The following DCP2 variants were observed in gnomAD, a reference collection of about 807,000 sequenced individuals.
DCP2 encodes the protein m7GpppN-mRNA hydrolase.
DCP2 carries 30 observed loss-of-function variants against 56.1 expected under a neutral mutation model. The observed-to-expected ratio is 0.53, with a 90% confidence interval of 0.40 to 0.73. The LOEUF (loss-of-function observed/expected upper bound fraction) is 0.73. Among genes scored for constraint, DCP2 ranks in the 30% least tolerant of loss-of-function variants. The pLI is 0.00. For synonymous variants in DCP2, 197 were observed against 163.3 expected, an observed-to-expected ratio of 1.21 and a Z score of -1.57; for missense variants, 533 against 502.7, an observed-to-expected ratio of 1.06 and a Z score of -0.58.
chr5:113,006,830 A>C (rs1012351563), intron 8 of DCP2, among the ~76,000 whole-genome samples: 3 of 152,210 alleles, frequency 2.0e-5, no homozygotes, highest in African/African-American at 4.8e-5. Context: ...ATAATGGCCC[A>C]CATTTTAAAA....
intron 2 of DCP2, 44 bp from the exon 3 acceptor site, chr5:112,992,077 A>C (rs1421562699): frequency 1.2e-6 from 2 of 1,603,390 alleles, no homozygotes; most frequent in African/African-American, 1.3e-5. Context: ...TAATTTCTCA[A>C]GCCATATTAA....
chr5:112,992,319 T>TGTA, intron 3 of DCP2, 71 bp downstream of exon 3: 2 of 1,539,044 alleles, frequency 1.3e-6, no homozygotes, highest in Non-Finnish European at 1.7e-6. Context: ...TTGTTATTGA[T>TGTA]GTAGTGTTTC....
intron 1 of DCP2, among the ~76,000 whole-genome samples, chr5:112,978,603 G>T (rs1747841303): frequency 6.6e-6 from 1 of 151,780 alleles, no homozygotes; most frequent in Non-Finnish European, 1.5e-5. Flanking sequence ...GTACTTCTTT[G>T]GTGATGGTAG....
Position 113,017,950 on chromosome 5 carries a change from C to G in DCP2, c.*4466C>G, listed in dbSNP as rs1749959436. 6.6e-6 allele frequency: 1 copy of G among 152,260 alleles called. No individual in the cohort carries two copies. The highest frequency in any genetic ancestry group is 2.4e-5 in the African/African-American group (1 of 41,556). The allele number at this position is 152,260 out of a possible 1,614,324, so 9.4% of individuals were successfully genotyped here. On this transcript the variant is annotated 3_prime_UTR_variant, in exon 11 of 11. Coordinates refer to ENST00000389063, the MANE Select transcript of DCP2 (RefSeq NM_152624.6). Reference sequence around the variant, plus strand: ...CCAGTGAATCTAAAGTAATTTTTCTCACTTTAAAGACCAGTGATGAGGAGT... The same window carrying G: ...CCAGTGAATCTAAAGTAATTTTTCTGACTTTAAAGACCAGTGATGAGGAGT...
chr5:112,980,984 A>C (rs1047890141), intron 1 of DCP2, among the ~76,000 whole-genome samples: 5 of 151,256 alleles, frequency 3.3e-5, no homozygotes, highest in African/African-American at 1.2e-4. Flanking sequence ...GTATGTCTCT[A>C]TCAGTATTTT....
intron 2 of DCP2, among the ~76,000 whole-genome samples, chr5:112,987,389 T>C (rs996868035): frequency 1.3e-5 from 2 of 152,130 alleles, no homozygotes; most frequent in African/African-American, 4.8e-5. Context: ...GAAAGTCATA[T>C]GAGGTGATGA....
intron 10 of DCP2, among the ~76,000 whole-genome samples, chr5:113,011,686 G>A (rs1357912756): frequency 6.6e-6 from 1 of 152,154 alleles, no homozygotes; most frequent in Non-Finnish European, 1.5e-5. Context: ...TGTGAAGAAA[G>A]GAACTATCAT....
rs1393323705 is a variant in DCP2 at position 113,021,562 on chromosome 5, GT to G, written c.*8082del. 6.6e-6 allele frequency among the ~76,000 whole-genome samples: 1 copy of G among 152,112 alleles called. No homozygotes were observed. The highest frequency in any genetic ancestry group is 1.5e-5 in the Non-Finnish European group (1 of 68,020). On this transcript the variant is annotated 3_prime_UTR_variant, in exon 11 of 11. Transcript: ENST00000389063. Reference sequence around the variant, plus strand: ...ATTCTTAAGTTTGTGCTAGAATCAGGTTTTGCAATAGGAATACTTAACTTTG... The same window carrying G: ...ATTCTTAAGTTTGTGCTAGAATCAGGTTTGCAATAGGAATACTTAACTTTG...
intron 1 of DCP2, among the ~76,000 whole-genome samples, chr5:112,985,161 A>G (rs1213396559): frequency 6.6e-6 from 1 of 152,178 alleles, no homozygotes; most frequent in East Asian, 1.9e-4. Flanking sequence ...ACTTAGATTG[A>G]TGAATTTTAA....
At position 113,015,385 on chromosome 5, in the gene DCP2, A is replaced by G. The variant is rs1237391054; in HGVS notation, c.*1901A>G. 2.0e-5 allele frequency: 3 copies of G among 150,402 alleles called. No individual in the cohort carries two copies. Among genetic ancestry groups the G allele is most frequent in the African/African-American group, 4.9e-5 (2 of 40,756 alleles). 9.3% of individuals were successfully genotyped at this position (150,402 alleles called of 1,614,324 possible). ...TGTTTTTTTTTTTCTTTTTAAGTGCATACTTTGGCCAGTCTTCCTGGTGCC... is the reference window on the plus strand; with the variant it reads ...TGTTTTTTTTTTTCTTTTTAAGTGCGTACTTTGGCCAGTCTTCCTGGTGCC... On this transcript the variant is annotated 3_prime_UTR_variant, in exon 11 of 11. Coordinates refer to ENST00000389063, the MANE Select transcript of DCP2 (RefSeq NM_152624.6).
chr5:112,982,315 C>T lies in DCP2; in HGVS notation c.54-3520C>T, dbSNP rs185519209. 4.9e-3 allele frequency among the ~76,000 whole-genome samples: 742 copies of T among 152,278 alleles called. 4 individuals carry two copies. Among genetic ancestry groups the T allele is most frequent in the South Asian group, 0.01 (50 of 4,828 alleles). ...CTGCACTCTTGGGGACCTCCATCCT[C>T]CTAATCCAGTCTGGACTCGTTGCTC... On this transcript the variant is annotated intron_variant, in intron 1 of 10. Coordinates refer to ENST00000389063, the MANE Select transcript of DCP2 (RefSeq NM_152624.6).
chr5:113,009,823 G>GA (rs1419150336), intron 9 of DCP2, among the ~76,000 whole-genome samples: 1 of 151,882 alleles, frequency 6.6e-6, no homozygotes, highest in African/African-American at 2.4e-5. Flanking sequence ...GCAATTTTAT[G>GA]AAAAGATGTT....
rs200824296 is a variant in DCP2 at position 113,010,737 on chromosome 5, T to G, written c.1048-19T>G. On this transcript the variant is annotated intron_variant, in intron 9 of 10. Coordinates refer to ENST00000389063, the MANE Select transcript of DCP2 (RefSeq NM_152624.6). ...GTGTTGTATGTGTGTGTGTGTGTGT[T>G]TTTTTTTTTTTTAAATAGAAGTGTG... The G allele has an allele frequency of 2.7e-3, 2,800 of 1,026,150 alleles. No individual in the cohort carries two copies. The highest frequency in any genetic ancestry group is 2.7e-3 in the Non-Finnish European group (2,051 of 746,404). The allele number at this position is 1,026,150 out of a possible 1,614,324, so 63.6% of individuals were successfully genotyped here.
rs1405176904 is a variant in DCP2, at chr5:113,014,184, G to A, written c.*700G>A. ...TTACATGCAGTCAGTAAACCTGTGA[G>A]ACTGCTGGAGGAAATGTAGCAGACA... On this transcript the variant is annotated 3_prime_UTR_variant, in exon 11 of 11. Coordinates refer to ENST00000389063, the MANE Select transcript of DCP2 (RefSeq NM_152624.6). 1 of 152,286 alleles carries A rather than the reference G, an allele frequency of 6.6e-6. No homozygotes were observed. Among genetic ancestry groups the A allele is most frequent in the Non-Finnish European group, 1.5e-5 (1 of 68,088 alleles). 9.4% of individuals were successfully genotyped at this position (152,286 alleles called of 1,614,324 possible). A position where few individuals can be genotyped will look rare whatever the true frequency, so the allele number is the denominator to read the frequency against.
chr5:113,005,702 C>G (rs565420363), intron 8 of DCP2, among the ~76,000 whole-genome samples: 2 of 152,252 alleles, frequency 1.3e-5, no homozygotes, highest in South Asian at 4.1e-4. Flanking sequence ...AACTTGTGTA[C>G]CAATGTTCAT....
In DCP2 at chr5:113,020,404, GGTGGTATACAGTTCTT is replaced by G. The variant is rs1750061526; in HGVS notation, c.*6922_*6937del. ...ATCTACTTCAAGGGATTCTGTTCAT[GGTGGTATACAGTTCTT>G]GGTGCTCTTTTGGAAATTGTCAAAC... On this transcript the variant is annotated 3_prime_UTR_variant, in exon 11 of 11. Coordinates refer to ENST00000389063, the MANE Select transcript of DCP2 (RefSeq NM_152624.6). 6.6e-6 allele frequency: 1 copy of G among 152,132 alleles called. No homozygotes were observed. The highest frequency in any genetic ancestry group is 1.5e-5 in the Non-Finnish European group (1 of 68,024). 9.4% of individuals were successfully genotyped at this position (152,132 alleles called of 1,614,324 possible). A position where few individuals can be genotyped will look rare whatever the true frequency, so the allele number is the denominator to read the frequency against.
intron 9 of DCP2, among the ~76,000 whole-genome samples, chr5:113,009,364 A>T (rs1437034568): frequency 6.6e-6 from 1 of 152,210 alleles, no homozygotes; most frequent in African/African-American, 2.4e-5. Context: ...TAAGAGAAGA[A>T]ATAAAAGGGA....
rs1346808069 is a variant in DCP2, at chr5:113,021,373, A to C, written c.*7889A>C. Among the ~76,000 whole-genome samples the C allele has an allele frequency of 7.1e-6, 1 of 140,704 alleles. No homozygotes were observed. The highest frequency in any genetic ancestry group is 1.5e-5 in the Non-Finnish European group (1 of 65,896). The allele number at this position is 140,704 out of a possible 152,430, so 92.3% of individuals were successfully genotyped here. A position where few individuals can be genotyped will look rare whatever the true frequency, so the allele number is the denominator to read the frequency against. On this transcript the variant is annotated 3_prime_UTR_variant, in exon 11 of 11. Transcript: ENST00000389063. ...ACAGAGCAAGACTCTGTCTGGAAAAAACAAAAAACAACCAAAAAAAAAAAA... is the reference window on the plus strand; with the variant it reads ...ACAGAGCAAGACTCTGTCTGGAAAACACAAAAAACAACCAAAAAAAAAAAA...
In DCP2 at chr5:113,021,651, T is replaced by TTTTA. The variant is rs1750142126; in HGVS notation, c.*8171_*8174dup. 6.6e-6 allele frequency among the ~76,000 whole-genome samples: 1 copy of TTTTA among 152,134 alleles called. No homozygotes were observed. Among genetic ancestry groups the TTTTA allele is most frequent in the Non-Finnish European group, 1.5e-5 (1 of 68,034 alleles). On this transcript the variant is annotated 3_prime_UTR_variant, in exon 11 of 11. Transcript: ENST00000389063. ...GAGACCTCAGCTATATGATAGTAACTTTTATTTTAAATTCTCAAAAGGAGA... is the reference window on the plus strand; with the variant it reads ...GAGACCTCAGCTATATGATAGTAACTTTTATTTATTTTAAATTCTCAAAAGGAGA...
Sources: gnomAD v4.1 joint callset for allele counts (sites outside exome capture counted in the v4.1 genomes callset) on GRCh38, gnomAD v4.1.1 for gene constraint, MANE v1.5 for transcripts, NCBI Gene and HGNC (gene_info 2026-07-23, HGNC 2026-07-21) for gene names.